The following RB1 variants were observed in gnomAD, a reference collection of about 807,000 sequenced individuals.
RB1 encodes the protein retinoblastoma-associated protein.
A neutral mutation model predicts 135.4 loss-of-function variants in RB1; 18 were observed. That is an observed-to-expected ratio of 0.13 (90% CI 0.09 to 0.20). The LOEUF is 0.20. RB1 is among the 10% of genes least tolerant of loss of function. RB1 has a pLI of 1.00. For synonymous variants in RB1, 365 were observed against 373.2 expected (o/e 0.98, Z 0.25); for missense variants, 868 against 1,110.0 (o/e 0.78, Z 3.10).
chr13:48,406,126 A>ATG (rs1488581426), intron 17 of RB1, among the ~76,000 whole-genome samples: 1 of 151,814 alleles, frequency 6.6e-6, no homozygotes, highest in African/African-American at 2.4e-5. Context: ...GTATGTATGT[A>ATG]TGTGTGTGTT....
chr13:48,333,556 G>A (rs985482423), intron 2 of RB1, among the ~76,000 whole-genome samples: 5 of 151,844 alleles, frequency 3.3e-5, no homozygotes, highest in African/African-American at 1.2e-4. Flanking sequence ...CAGAAAATGA[G>A]GTCTGTAATG....
chr13:48,405,789 C>T (rs1400654241), intron 17 of RB1, among the ~76,000 whole-genome samples: 1 of 152,134 alleles, frequency 6.6e-6, no homozygotes, highest in Non-Finnish European at 1.5e-5. Context: ...TTTCCAACCC[C>T]ACCCTTGTTT....
At position 48,380,218 on chromosome 13, in the gene RB1, A is replaced by T. The variant is rs771480219; in HGVS notation, c.1475A>T (p.Glu492Val). The T allele has an allele frequency of 6.2e-7, 1 of 1,605,216 alleles. No homozygotes were observed. Among genetic ancestry groups the T allele is most frequent in the South Asian group, 1.1e-5 (1 of 90,426 alleles). Residue 492 changes from glutamate (E) to valine (V), a missense_variant, in exon 16 of 27, where the codon GAG (glutamate) becomes GTG (valine). By Grantham distance (121) the Glu-to-Val change is moderately radical. This residue lies in a region of RB1 where 641 missense variants were observed against 791.3 expected (regional missense o/e 0.81). Coordinates refer to ENST00000267163, the MANE Select transcript of RB1 (RefSeq NM_000321.3). ...FHMSLLACAL[E>V]VVMATYSRST... Reference sequence around the variant, plus strand: ...ATGTCTTTATTGGCGTGCGCTCTTGAGGTTGTAATGGCCACATATAGCAGT... The same window carrying T: ...ATGTCTTTATTGGCGTGCGCTCTTGTGGTTGTAATGGCCACATATAGCAGT...
At chr13:48,390,680 G>T (rs1027046666) in intron 17 of RB1, among the ~76,000 whole-genome samples, 1 of 152,090 alleles carries the variant, frequency 6.6e-6, no homozygotes, top group Admixed American at 6.5e-5. Flanking sequence ...GTCCTTTGAT[G>T]AATTTACCTC....
At chr13:48,453,436 T>C (rs1949340991) in intron 18 of RB1, among the ~76,000 whole-genome samples, 1 of 152,118 alleles carries the variant, frequency 6.6e-6, no homozygotes, top group Non-Finnish European at 1.5e-5. Flanking sequence ...AGAATGGCAT[T>C]AACTCAAAAA....
intron 6 of RB1, among the ~76,000 whole-genome samples, chr13:48,353,994 G>A (rs1015217927): frequency 6.6e-6 from 1 of 152,068 alleles, no homozygotes; most frequent in Non-Finnish European, 1.5e-5. Flanking sequence ...ACTTAATGGG[G>A]AAAAATTGAA....
At chr13:48,318,491 C>A in intron 2 of RB1, 1 of 1,191,046 alleles carries the variant, frequency 8.4e-7, no homozygotes, top group African/African-American at 1.5e-5. Flanking sequence ...CTGTCTTACC[C>A]TGGCCCTGCG....
At position 48,456,218 on chromosome 13, in the gene RB1, TA is replaced by T; in HGVS notation, c.1831del (p.Arg611AspfsTer12). On this transcript the variant is annotated frameshift_variant, in exon 19 of 27. Transcript: ENST00000267163. LOFTEE classifies it high-confidence loss of function. Reference sequence around the variant, plus strand: ...AATATATCTAGGTATCTTTCTCCTGTAAGATCTCCAAAGAAAAAAGGTTCAA... The same window carrying T: ...AATATATCTAGGTATCTTTCTCCTGTAGATCTCCAAAGAAAAAAGGTTCAA... Reference protein sequence around the residue: ...HTAADMYLSPVRSPKKKGSTT... With the variant: ...HTAADMYLSPXRSPKKKGSTT... The T allele has an allele frequency of 6.2e-7, 1 of 1,614,148 alleles. No homozygotes were observed. Among genetic ancestry groups the T allele is most frequent in the Non-Finnish European group, 8.5e-7 (1 of 1,180,008 alleles).
At chr13:48,366,504 C>CT (rs1952700358) in intron 9 of RB1, among the ~76,000 whole-genome samples, 1 of 152,190 alleles carries the variant, frequency 6.6e-6, no homozygotes, top group Non-Finnish European at 1.5e-5. Flanking sequence ...AGGTTGGAAT[C>CT]ACTTTGGCGT....
intron 23 of RB1, among the ~76,000 whole-genome samples, chr13:48,466,716 A>T (rs1200996643): frequency 5.4e-4 from 54 of 100,410 alleles, no homozygotes; most frequent in African/African-American, 1.7e-3. Context: ...TGCTTAAAGG[A>T]GCTGATGGAG....
chr13:48,457,765 G>T lies in RB1; in HGVS notation c.1960+1416G>T, dbSNP rs116740646. Among the ~76,000 whole-genome samples the T allele has an allele frequency of 9.2e-3, 1,402 of 152,362 alleles. 23 individuals carry two copies. Among genetic ancestry groups the T allele is most frequent in the African/African-American group, 0.032 (1,336 of 41,580 alleles). ...CTGGCGTGTCAGCGCTGCCTTGAGC[G>T]TGCGCACATCTGGCTGGGCTGCAGC... On this transcript the variant is annotated intron_variant, in intron 19 of 26. Coordinates refer to ENST00000267163, the MANE Select transcript of RB1 (RefSeq NM_000321.3).
intron 2 of RB1, chr13:48,320,521 C>T: frequency 1.8e-6 from 1 of 565,496 alleles, no homozygotes; most frequent in Non-Finnish European, 3.1e-6. Context: ...CTTTATTTCT[C>T]TGCCAGCTTC....
intron 3 of RB1, 107 bp from the exon 4 acceptor site, chr13:48,344,973 G>C: frequency 7.5e-7 from 1 of 1,328,924 alleles, no homozygotes; most frequent in Non-Finnish European, 1.0e-6. Context: ...GTAGTGATTT[G>C]ATGTAGAGCT....
intron 2 of RB1, chr13:48,333,329 C>T: frequency 3.0e-6 from 1 of 335,206 alleles, no homozygotes; most frequent in Non-Finnish European, 5.4e-6. Flanking sequence ...AATCTCCTTA[C>T]TCAATGGTTT....
intron 21 of RB1, among the ~76,000 whole-genome samples, chr13:48,464,188 C>G (rs189133325): frequency 6.6e-6 from 1 of 152,094 alleles, no homozygotes; most frequent in African/African-American, 2.4e-5. Context: ...ATAAATGCAG[C>G]CTTGCAAATC....
chr13:48,424,682 A>G (rs1174912090), intron 17 of RB1, among the ~76,000 whole-genome samples: 1 of 152,052 alleles, frequency 6.6e-6, no homozygotes, highest in Non-Finnish European at 1.5e-5. Context: ...GAGTCTCCTT[A>G]ATCTCATCAG....
intron 8 of RB1, among the ~76,000 whole-genome samples, chr13:48,363,654 T>A (rs1047025431): frequency 1.1e-4 from 16 of 152,182 alleles, no homozygotes; most frequent in African/African-American, 3.9e-4. Context: ...TAAATTTCTG[T>A]TTGGCCTTCT....
intron 12 of RB1, among the ~76,000 whole-genome samples, chr13:48,374,412 C>G (rs1465328151): frequency 2.0e-5 from 3 of 152,188 alleles, no homozygotes; most frequent in Admixed American, 2.0e-4. Context: ...ATTTCAGCAA[C>G]TGTGCTTTTT....
chr13:48,434,638 T>C (rs1375598624), intron 17 of RB1, among the ~76,000 whole-genome samples: 1 of 152,116 alleles, frequency 6.6e-6, no homozygotes, highest in African/African-American at 2.4e-5. Flanking sequence ...GGGTTTCCAC[T>C]ATACACCATT....
Sources: gnomAD v4.1 joint callset for allele counts (sites outside exome capture counted in the v4.1 genomes callset) on GRCh38, gnomAD v4.1.1 for gene constraint, gnomAD v4.1.1 regional missense constraint, MANE v1.5 for transcripts, NCBI Gene and HGNC (gene_info 2026-07-23, HGNC 2026-07-21) for gene names.